Variants in MROH9 observed in about 807,000 individuals in gnomAD.
MROH9 encodes maestro heat like repeat family member 9, also known as maestro heat-like repeat-containing protein family member 9.
A neutral mutation model predicts 98.2 loss-of-function variants in MROH9; 92 were observed. That is an observed-to-expected ratio of 0.94 (90% CI 0.79 to 1.11). The LOEUF is 1.11. MROH9 is among the 50% of genes most tolerant of loss of function. The probability of loss-of-function intolerance (pLI) is 0.00; values close to 1 mark genes in which losing one functional copy is unlikely to be tolerated. For missense variants in MROH9, 1,057 were observed against 1,014.8 expected, an observed-to-expected ratio of 1.04 and a Z score of -0.57; for synonymous variants, 397 against 368.9, an observed-to-expected ratio of 1.08 and a Z score of -0.87.
intron 20 of MROH9, among the ~76,000 whole-genome samples, chr1:171,028,985 G>A (rs900451923): frequency 6.6e-6 from 1 of 152,192 alleles, no homozygotes; most frequent in African/African-American, 2.4e-5. Flanking sequence ...CTCCCTTCCT[G>A]TTTGAATACT....
intron 5 of MROH9, among the ~76,000 whole-genome samples, chr1:170,960,226 G>A (rs546626564): frequency 6.6e-6 from 1 of 152,312 alleles, no homozygotes; most frequent in South Asian, 2.1e-4. Flanking sequence ...CCCTAACACA[G>A]ATTTGTAGGC....
At chr1:170,997,606 T>C (rs560682638) in intron 14 of MROH9, among the ~76,000 whole-genome samples, 3 of 152,270 alleles carry the variant, frequency 2.0e-5, no homozygotes, top group South Asian at 4.1e-4. Context: ...TGTTATCCTT[T>C]GCAATTCTGC....
chr1:170,980,248 C>T (rs1294048595), intron 8 of MROH9, among the ~76,000 whole-genome samples: 2 of 152,096 alleles, frequency 1.3e-5, no homozygotes, highest in Admixed American at 6.5e-5. Context: ...TTTTAAATGT[C>T]ATATGGAATC....
chr1:171,025,823 C>G (rs1358296828), intron 20 of MROH9, among the ~76,000 whole-genome samples: 1 of 152,148 alleles, frequency 6.6e-6, no homozygotes, highest in Non-Finnish European at 1.5e-5. Context: ...CTACCAAACC[C>G]ACTAAAGTTT....
At chr1:170,984,119 C>T (rs935175429) in intron 9 of MROH9, among the ~76,000 whole-genome samples, 1 of 152,196 alleles carries the variant, frequency 6.6e-6, no homozygotes, top group Non-Finnish European at 1.5e-5. Context: ...CCATAGGCTC[C>T]AGAAGTTGCA....
In MROH9 at chr1:170,986,575, C is replaced by A; in HGVS notation, c.744C>A (p.Thr248=). The A allele has an allele frequency of 9.9e-6, 16 of 1,613,460 alleles. No individual in the cohort carries two copies. The highest frequency in any genetic ancestry group is 1.4e-5 in the Non-Finnish European group (16 of 1,179,708). ...TGTGGTTGCAGAGAGTAGGGCAAACCTTACTGCCTCCCTTGCTGACTGACT... is the reference window on the plus strand; with the variant it reads ...TGTGGTTGCAGAGAGTAGGGCAAACATTACTGCCTCCCTTGCTGACTGACT... ...ESKIAQRVGQ[T]LLPPLLTDFV... is the part of the protein sequence containing the mutation. Residue 248 remains threonine, a synonymous_variant, in exon 10 of 22, where the codon ACC becomes ACA. Coordinates refer to ENST00000367759, the MANE Select transcript of MROH9 (RefSeq NM_001163629.2).
At chr1:171,032,653 C>T (rs1652961200) in intron 20 of MROH9, among the ~76,000 whole-genome samples, 1 of 152,146 alleles carries the variant, frequency 6.6e-6, no homozygotes, top group African/African-American at 2.4e-5. Flanking sequence ...CCTGCTCCTT[C>T]CTCTGGGATC....
chr1:171,046,422 A>G (rs560382568), intron 20 of MROH9, among the ~76,000 whole-genome samples: 9 of 152,158 alleles, frequency 5.9e-5, no homozygotes, highest in African/African-American at 2.2e-4. Context: ...CTGGCAGTAT[A>G]ATTTAGTTTG....
At chr1:170,946,223 C>T (rs72710526) in intron 2 of MROH9, among the ~76,000 whole-genome samples, 3 of 151,738 alleles carry the variant, frequency 2.0e-5, no homozygotes, top group Non-Finnish European at 2.9e-5. Context: ...CATGATGAGA[C>T]AGGCAGGCAT....
chr1:171,031,154 C>G (rs1269756217), intron 20 of MROH9, among the ~76,000 whole-genome samples: 1 of 152,120 alleles, frequency 6.6e-6, no homozygotes, highest in African/African-American at 2.4e-5. Context: ...TTCCTCCATC[C>G]CTTTATTTTG....
intron 8 of MROH9, 97 bp from the exon 9 acceptor site, chr1:170,983,325 C>G: frequency 2.5e-6 from 2 of 794,976 alleles, no homozygotes; most frequent in South Asian, 3.6e-5. Flanking sequence ...CTTCAGATCT[C>G]CAGAACTGGG....
chr1:171,024,303 G>GGGGTGT (rs1553219584), intron 17 of MROH9, 92 bp from the exon 18 acceptor site: 1 of 669,558 alleles, frequency 1.5e-6, no homozygotes, highest in African/African-American at 1.9e-5. Context: ...ATTTATATGG[G>GGGGTGT]GTGTGTGTGT....
Position 171,062,278 on chromosome 1 carries a change from G to C in MROH9, c.2344+84G>C, listed in dbSNP as rs147067822. The stretch of plus-strand genomic sequence containing the variant: ...TTAATTCTAGTCACATATGAGTTCT[G>C]TTAGAGTGCCAGGCCAGACAGGAAG... On this transcript the variant is annotated intron_variant, in intron 21 of 21. Coordinates refer to ENST00000367759, the MANE Select transcript of MROH9 (RefSeq NM_001163629.2). 237 of 957,258 alleles carry C rather than the reference G, an allele frequency of 2.5e-4. 1 individual carries two copies. In the Middle Eastern group the frequency reaches 9.4e-3, roughly 38 times the overall value. 59.3% of individuals were successfully genotyped at this position (957,258 alleles called of 1,614,324 possible). A position where few individuals can be genotyped will look rare whatever the true frequency, so the allele number is the denominator to read the frequency against.
intron 20 of MROH9, among the ~76,000 whole-genome samples, chr1:171,041,347 A>ATGTGTGTGTGTGTGTG (rs377650131): frequency 3.0e-4 from 24 of 80,636 alleles, no homozygotes; most frequent in African/African-American, 7.4e-4. Flanking sequence ...GTATTCCATG[A>ATGTGTGTGTGTGTGTG]TGTGTGTGTG....
intron 15 of MROH9, among the ~76,000 whole-genome samples, chr1:171,012,074 T>C (rs1391827296): frequency 6.6e-6 from 1 of 152,050 alleles, no homozygotes. Flanking sequence ...AGTGTAAATA[T>C]CTATGTTATA....
chr1:171,014,094 A>T, intron 15 of MROH9, 23 bp from the exon 16 acceptor site: 1 of 1,543,758 alleles, frequency 6.5e-7, no homozygotes. Context: ...TTGCTTATAA[A>T]CTTATTAACT....
rs199913150 is a variant in MROH9 at position 170,971,872 on chromosome 1, G to T, written c.605G>T (p.Arg202Leu). The T allele has an allele frequency of 1.9e-6, 3 of 1,613,790 alleles. No homozygotes were observed. In the South Asian group the frequency reaches 3.3e-5, roughly 18 times the overall value. Residue 202 changes from arginine (R) to leucine (L), a missense_variant, in exon 8 of 22, where the codon CGG becomes CTG. Arg to Leu is a moderately radical substitution (Grantham distance 102, BLOSUM62 -2). Transcript: ENST00000367759. ...ATGTGTCACCTCCTCTACATTGCACGGTGTCAGAACGGTAAGAACAGTTCA... is the reference window on the plus strand; with the variant it reads ...ATGTGTCACCTCCTCTACATTGCACTGTGTCAGAACGGTAAGAACAGTTCA... Reference protein sequence around the residue: ...LGMCHLLYIARCQNDIGTNKP... With the variant: ...LGMCHLLYIALCQNDIGTNKP...
chr1:170,983,431 C>A lies in MROH9; in HGVS notation c.626C>A (p.Thr209Lys). Residue 209 changes from threonine to lysine, a missense_variant, in exon 9 of 22, where the codon ACA becomes AAA. Thr to Lys is a moderately conservative substitution (Grantham distance 78). Transcript: ENST00000367759. ...TTTCTTAACAAAGCAGATATTGGAA[C>A]AAATAAGCCTACAAACGGTAAAAGT... ...YIARCQNDIGTNKPTNGKSHS... is the reference protein window; with the variant it reads ...YIARCQNDIGKNKPTNGKSHS... The A allele has an allele frequency of 6.2e-7, 1 of 1,607,108 alleles. No individual in the cohort carries two copies. Among genetic ancestry groups the A allele is most frequent in the Non-Finnish European group, 8.5e-7 (1 of 1,175,068 alleles).
At chr1:171,032,112 G>C (rs908878040) in intron 20 of MROH9, among the ~76,000 whole-genome samples, 1 of 152,060 alleles carries the variant, frequency 6.6e-6, no homozygotes, top group South Asian at 2.1e-4. Context: ...TCTCGTGCTG[G>C]GGTTTTCAGC....
Sources: gnomAD v4.1 joint callset for allele counts (sites outside exome capture counted in the v4.1 genomes callset) on GRCh38, gnomAD v4.1.1 for gene constraint, MANE v1.5 for transcripts, NCBI Gene and HGNC (gene_info 2026-07-23, HGNC 2026-07-21) for gene names.